Variants in ANXA4 observed in about 807,000 individuals in gnomAD.
ANXA4 encodes 35-beta calcimedin.
In ANXA4, 39 loss-of-function variants were observed where a neutral mutation model predicts 49.8. That is an observed-to-expected ratio of 0.78 (90% CI 0.61 to 1.02). The LOEUF (loss-of-function observed/expected upper bound fraction) is 1.02. Among genes scored for constraint, ANXA4 ranks in the 50% least tolerant of loss-of-function variants. ANXA4 has a pLI of 0.00. For missense variants in ANXA4, 360 were observed against 410.1 expected, an observed-to-expected ratio of 0.88 and a Z score of 1.05; for synonymous variants, 134 against 152.5, an observed-to-expected ratio of 0.88 and a Z score of 0.89.
intron 2 of ANXA4, among the ~76,000 whole-genome samples, chr2:69,783,693 C>G (rs1311549355): frequency 2.0e-5 from 3 of 152,130 alleles, no homozygotes; most frequent in Admixed American, 6.6e-5. Flanking sequence ...ATAACCTACT[C>G]TCATATCAAG....
At chr2:69,795,009 A>G (rs528589990) in intron 3 of ANXA4, among the ~76,000 whole-genome samples, 1 of 152,306 alleles carries the variant, frequency 6.6e-6, no homozygotes, top group Admixed American at 6.5e-5. Context: ...CCTTCTGATA[A>G]GACCAGAACT....
intron 3 of ANXA4, among the ~76,000 whole-genome samples, chr2:69,795,479 T>C (rs182075087): frequency 6.6e-4 from 101 of 152,230 alleles, no homozygotes; most frequent in Non-Finnish European, 1.0e-3. Context: ...CCATTCCCCA[T>C]TGGGTTTTTA....
chr2:69,665,518 C>G (rs1396282056), intron 2 of ANXA4, among the ~76,000 whole-genome samples: 1 of 152,078 alleles, frequency 6.6e-6, no homozygotes, highest in African/African-American at 2.4e-5. Context: ...GAGACTCCAC[C>G]CCAGAATTGT....
At chr2:69,788,182 C>A (rs1573256379) in intron 3 of ANXA4, 41 bp downstream of exon 3, 1 of 1,555,442 alleles carries the variant, frequency 6.4e-7, no homozygotes. Flanking sequence ...GCGTGCATTG[C>A]ACATCACAGG....
upstream of ANXA4, among the ~76,000 whole-genome samples, chr2:69,740,206 C>A: frequency 6.6e-6 from 1 of 151,844 alleles, no homozygotes; most frequent in Admixed American, 6.6e-5. Flanking sequence ...TTTTTTCTTT[C>A]TTTTTCTTTT....
chr2:69,688,892 G>A (rs1677875770), intron 2 of ANXA4, among the ~76,000 whole-genome samples: 2 of 152,282 alleles, frequency 1.3e-5, no homozygotes, highest in South Asian at 4.1e-4. Context: ...TTTCTCCAAA[G>A]AGTCCTGGTT....
At chr2:69,718,920 C>G (rs2105422996) in intron 2 of ANXA4, among the ~76,000 whole-genome samples, 1 of 152,170 alleles carries the variant, frequency 6.6e-6, no homozygotes, top group East Asian at 1.9e-4. Flanking sequence ...CTCTGCTTGT[C>G]CTTCCAGAGT....
At chr2:69,821,531 G>A (rs1173233073) in intron 12 of ANXA4, among the ~76,000 whole-genome samples, 4 of 151,898 alleles carry the variant, frequency 2.6e-5, no homozygotes, top group East Asian at 1.9e-4. Context: ...GTGTAGTGGC[G>A]CAATCTCCAC....
chr2:69,650,235 C>T (rs1323292914), intron 1 of ANXA4, among the ~76,000 whole-genome samples: 2 of 151,870 alleles, frequency 1.3e-5, no homozygotes, highest in Non-Finnish European at 2.9e-5. Context: ...CGTGCTTGGC[C>T]CCATGATTTT....
At chr2:69,773,877 G>T (rs561365011) in intron 1 of ANXA4, among the ~76,000 whole-genome samples, 23 of 151,758 alleles carry the variant, frequency 1.5e-4, no homozygotes, top group Non-Finnish European at 2.2e-4. Flanking sequence ...TGATTCGCCT[G>T]CCTCGGCCTC....
At chr2:69,779,407 G>C (rs986311101) in intron 1 of ANXA4, among the ~76,000 whole-genome samples, 2 of 151,740 alleles carry the variant, frequency 1.3e-5, no homozygotes, top group African/African-American at 2.4e-5. Flanking sequence ...GGTCATGTAG[G>C]AACATTTGGT....
chr2:69,766,458 C>T (rs916153519), intron 1 of ANXA4, among the ~76,000 whole-genome samples: 2 of 152,152 alleles, frequency 1.3e-5, no homozygotes, highest in African/African-American at 4.8e-5. Flanking sequence ...AGAGATTATA[C>T]CTTGGCCCAA....
intron 2 of ANXA4, among the ~76,000 whole-genome samples, chr2:69,656,515 T>A (rs1048578295): frequency 1.3e-5 from 2 of 148,462 alleles, no homozygotes; most frequent in Middle Eastern, 3.2e-3. Flanking sequence ...CAGAGTTTAG[T>A]GCTTCTCTGC....
chr2:69,706,146 T>TAAGACTCTGGTTTTTG, intron 2 of ANXA4, among the ~76,000 whole-genome samples: 1 of 151,888 alleles, frequency 6.6e-6, no homozygotes, highest in East Asian at 1.9e-4. Flanking sequence ...TCTAAGATAC[T>TAAGACTCTGGTTTTTG]AAGACTCTGG....
At chr2:69,750,353 T>C (rs1670788359) in intron 1 of ANXA4, among the ~76,000 whole-genome samples, 1 of 152,202 alleles carries the variant, frequency 6.6e-6, no homozygotes, top group South Asian at 2.1e-4. Context: ...GGTAGCTGGT[T>C]CCAAAAGAAT....
intron 2 of ANXA4, among the ~76,000 whole-genome samples, chr2:69,671,631 G>T (rs1253582005): frequency 2.6e-5 from 4 of 152,212 alleles, no homozygotes; most frequent in African/African-American, 9.7e-5. Flanking sequence ...GCTGAAACAG[G>T]AGAATTGCTT....
In ANXA4 at chr2:69,766,078, G is replaced by A. The variant is rs183140647; in HGVS notation, c.-46-15442G>A. Among the ~76,000 whole-genome samples the A allele has an allele frequency of 8.5e-5, 13 of 152,316 alleles. No individual in the cohort carries two copies. The East Asian group carries it at 1.9e-3, about 23-fold the overall frequency. ...ATTCATACAACTGGATAATGCTTTTGTCAGAGGACAGACACACACAGAGGA... is the reference window on the plus strand; with the variant it reads ...ATTCATACAACTGGATAATGCTTTTATCAGAGGACAGACACACACAGAGGA... On this transcript the variant is annotated intron_variant, in intron 1 of 12. Transcript: ENST00000394295.
chr2:69,820,815 C>A lies in ANXA4; in HGVS notation c.900C>A (p.Phe300Leu). 6.2e-7 allele frequency: 1 copy of A among 1,613,864 alleles called. No homozygotes were observed. The highest frequency in any genetic ancestry group is 1.1e-5 in the South Asian group (1 of 91,004). ...TCTATGGAAAGTCTCTGTACTCGTT[C>A]ATCAAGGTAGGTCACAGCAGCCTAA... ...KRLYGKSLYSFIKGDTSGDYR... is the reference protein window; with the variant it reads ...KRLYGKSLYSLIKGDTSGDYR... Residue 300 changes from phenylalanine (F) to leucine (L), a missense_variant, in exon 12 of 13, where the codon TTC becomes TTA. Physicochemically the swap from Phe to Leu is conservative, Grantham distance 22. Coordinates refer to ENST00000394295, the MANE Select transcript of ANXA4 (RefSeq NM_001153.5).
At chr2:69,796,160 C>T (rs1313381334) in intron 3 of ANXA4, among the ~76,000 whole-genome samples, 1 of 152,210 alleles carries the variant, frequency 6.6e-6, no homozygotes, top group Non-Finnish European at 1.5e-5. Context: ...AGTTTAATAT[C>T]CAGTGGTCTT....
Sources: gnomAD v4.1 joint callset for allele counts (sites outside exome capture counted in the v4.1 genomes callset) on GRCh38, gnomAD v4.1.1 for gene constraint, MANE v1.5 for transcripts, NCBI Gene and HGNC (gene_info 2026-07-23, HGNC 2026-07-21) for gene names.